The following SYCP2 variants were observed in gnomAD, a reference collection of about 807,000 sequenced individuals.
The protein encoded by SYCP2 is synaptonemal complex lateral element protein.
In SYCP2, 55 loss-of-function variants were observed where a neutral mutation model predicts 211.3. That is an observed-to-expected ratio of 0.26 (90% CI 0.21 to 0.33). SYCP2 has a LOEUF of 0.33. Among genes scored for constraint, SYCP2 ranks in the 10% least tolerant of loss-of-function variants. The pLI, the probability that SYCP2 is intolerant of heterozygous loss-of-function variation, is 1.00. For synonymous variants in SYCP2, 570 were observed against 555.2 expected (o/e 1.03, Z -0.37); for missense variants, 1,731 against 1,752.0 (o/e 0.99, Z 0.21).
chr20:59,894,556 C>T (rs1194485821), intron 20 of SYCP2, among the ~76,000 whole-genome samples: 1 of 151,942 alleles, frequency 6.6e-6, no homozygotes, highest in East Asian at 1.9e-4. Context: ...GACTACTAAG[C>T]TTTGAGAAAA....
chr20:59,912,473 T>C, intron 12 of SYCP2, 55 bp from the exon 13 acceptor site: 1 of 641,148 alleles, frequency 1.6e-6, no homozygotes, highest in East Asian at 3.6e-5. Flanking sequence ...AGCATAATCT[T>C]GTCCAGTAAT....
chr20:59,896,548 C>A lies in SYCP2; in HGVS notation c.1405-20G>T. 1 of 1,331,686 alleles carries A rather than the reference C, an allele frequency of 7.5e-7. No individual in the cohort carries two copies. The highest frequency in any genetic ancestry group is 1.1e-6 in the Non-Finnish European group (1 of 926,582). 82.5% of individuals were successfully genotyped at this position (1,331,686 alleles called of 1,614,324 possible). On this transcript the variant is annotated intron_variant, in intron 18 of 44. Coordinates refer to ENST00000357552, the MANE Select transcript of SYCP2 (RefSeq NM_014258.4). ...AGTTTTCTGAAACCACGATGAAAAACAACCACTGTAAACACAGTCTTTTTG... is the reference window on the plus strand; with the variant it reads ...AGTTTTCTGAAACCACGATGAAAAAAAACCACTGTAAACACAGTCTTTTTG...
chr20:59,919,618 ATT>A, intron 5 of SYCP2, 21 bp from the exon 6 acceptor site: 1 of 1,420,444 alleles, frequency 7.0e-7, no homozygotes. Flanking sequence ...GAATGAACTT[ATT>A]AGAGTTCCAT....
chr20:59,932,998 G>A (rs952690377), intron 1 of SYCP2, among the ~76,000 whole-genome samples: 1 of 151,202 alleles, frequency 6.6e-6, no homozygotes, highest in Admixed American at 6.5e-5. Context: ...CCGGCACGGT[G>A]ACCCTTTTCC....
chr20:59,932,470 G>C (rs889045189), intron 1 of SYCP2, among the ~76,000 whole-genome samples: 1 of 152,128 alleles, frequency 6.6e-6, no homozygotes, highest in East Asian at 1.9e-4. Flanking sequence ...GAGGTCAGGA[G>C]TTCGAGACCA....
rs1196344178 is a variant in SYCP2 at position 59,900,126 on chromosome 20, C to T, written c.1404+12G>A. 10 of 1,612,300 alleles carry T rather than the reference C, an allele frequency of 6.2e-6. No individual in the cohort carries two copies. Among genetic ancestry groups the T allele is most frequent in the Non-Finnish European group, 8.5e-6 (10 of 1,178,906 alleles). ...GTAGTTTTATAAGCCAGTATTTTGA[C>T]ACCATCTTTACCTCAAGCTGACTAT... On this transcript the variant is annotated intron_variant, in intron 18 of 44. Transcript: ENST00000357552.
At chr20:59,903,209 C>T (rs969650591) in intron 15 of SYCP2, among the ~76,000 whole-genome samples, 12 of 152,054 alleles carry the variant, frequency 7.9e-5, no homozygotes, top group Non-Finnish European at 4.4e-5. Context: ...TCTGTCTGGA[C>T]TATATAATGG....
At chr20:59,865,546 A>C in intron 43 of SYCP2, 27 bp downstream of exon 43, 1 of 1,578,396 alleles carries the variant, frequency 6.3e-7, no homozygotes, top group East Asian at 2.2e-5. Context: ...CAAGAGAGGT[A>C]ACCTATAAAA....
At position 59,867,680 on chromosome 20, in the gene SYCP2, G is replaced by T. The variant is rs767254324; in HGVS notation, c.4125+31C>A. 1.1e-5 allele frequency: 17 copies of T among 1,548,980 alleles called. No individual in the cohort carries two copies. In the East Asian group the frequency reaches 3.8e-4, roughly 35 times the overall value. ...AGTGTGGCATATTATTATATTATTG[G>T]GTATAAATCATAATTTAAAGAATAA... On this transcript the variant is annotated intron_variant, in intron 39 of 44. Coordinates refer to ENST00000357552, the MANE Select transcript of SYCP2 (RefSeq NM_014258.4).
At chr20:59,885,466 G>A (rs185051407) in intron 26 of SYCP2, among the ~76,000 whole-genome samples, 82 of 152,182 alleles carry the variant, frequency 5.4e-4, no homozygotes, top group African/African-American at 1.9e-3. Flanking sequence ...ACTTACAGAG[G>A]GTGAACTTCA....
Position 59,900,210 on chromosome 20 carries a change from T to C in SYCP2, c.1332A>G (p.Pro444=). ...LVSLKEKSKS[P]KEFAKPSKYI... ...ATTTTGAAGGTTTAGCAAATTCCTTTGGGGACTTTGATTTTTCCTTTAAAC... is the reference window on the plus strand; with the variant it reads ...ATTTTGAAGGTTTAGCAAATTCCTTCGGGGACTTTGATTTTTCCTTTAAAC... The change falls in exon 18 of 45, where the codon CCA becomes CCG. Residue 444 remains proline, a synonymous_variant. Coordinates refer to ENST00000357552, the MANE Select transcript of SYCP2 (RefSeq NM_014258.4). The C allele has an allele frequency of 6.2e-7, 1 of 1,613,062 alleles. No homozygotes were observed. The highest frequency in any genetic ancestry group is 8.5e-7 in the Non-Finnish European group (1 of 1,179,442).
chr20:59,884,272 A>G (rs2059743025), intron 26 of SYCP2, among the ~76,000 whole-genome samples: 1 of 152,154 alleles, frequency 6.6e-6, no homozygotes, highest in East Asian at 1.9e-4. Context: ...ATCTCATGTA[A>G]AAGAGTCAAA....
Position 59,873,929 on chromosome 20 carries a change from G to A in SYCP2, c.3482C>T (p.Ser1161Leu). The change falls in exon 35 of 45, where the codon TCA (serine) becomes TTA (leucine). Residue 1161 changes from serine to leucine, a missense_variant. This residue lies in a region of SYCP2 where 1,387 missense variants were observed against 1,351.3 expected (regional missense o/e 1.03). Transcript: ENST00000357552. The stretch of plus-strand genomic sequence containing the variant: ...GAAGTTTTTCTCATTGTTTTTGGGT[G>A]ACTTTATTGTACCTCCAACTCCACT... ...SNSGVGGTIK[S>L]PKNNEKNFLC... 1 of 1,613,166 alleles carries A rather than the reference G, an allele frequency of 6.2e-7. No homozygotes were observed. Among genetic ancestry groups the A allele is most frequent in the Non-Finnish European group, 8.5e-7 (1 of 1,179,572 alleles).
At chr20:59,922,228 C>T (rs1346474376) in intron 3 of SYCP2, among the ~76,000 whole-genome samples, 162 bp downstream of exon 3, 4 of 151,512 alleles carry the variant, frequency 2.6e-5, no homozygotes, top group Non-Finnish European at 5.9e-5. Flanking sequence ...TTGCAAACAT[C>T]TAATGAATAC....
At chr20:59,884,778 A>T (rs1165114979) in intron 26 of SYCP2, among the ~76,000 whole-genome samples, 1 of 152,118 alleles carries the variant, frequency 6.6e-6, no homozygotes, top group Non-Finnish European at 1.5e-5. Flanking sequence ...CAGCAATGGT[A>T]TTATAGAGAA....
chr20:59,920,332 T>C lies in SYCP2; in HGVS notation c.297+27A>G, dbSNP rs753403544. On this transcript the variant is annotated intron_variant, in intron 5 of 44. Transcript: ENST00000357552. ...TATCTTTTATAATATTTCATTCACA[T>C]GAATATGTTACATATTCTATACTTA... 19 of 1,504,254 alleles carry C rather than the reference T, an allele frequency of 1.3e-5. No individual in the cohort carries two copies. In the South Asian group the frequency reaches 2.2e-4, roughly 17 times the overall value. 93.2% of individuals were successfully genotyped at this position (1,504,254 alleles called of 1,614,324 possible).
chr20:59,875,226 A>G (rs1413627352), intron 34 of SYCP2, 45 bp downstream of exon 34: 1 of 1,241,262 alleles, frequency 8.1e-7, no homozygotes, highest in Non-Finnish European at 1.1e-6. Flanking sequence ...GAGTTATAGA[A>G]AACTATTGAA....
intron 39 of SYCP2, 134 bp from the exon 40 acceptor site, chr20:59,866,723 T>C: frequency 1.6e-6 from 1 of 641,482 alleles, no homozygotes; most frequent in Non-Finnish European, 2.6e-6. Flanking sequence ...AATTAAAAAC[T>C]CAGTTATTTA....
At chr20:59,885,841 C>A in intron 26 of SYCP2, 87 bp downstream of exon 26, 1 of 1,006,850 alleles carries the variant, frequency 9.9e-7, no homozygotes, top group South Asian at 1.5e-5. Flanking sequence ...GTATCAAATT[C>A]CATTTTACCA....
Sources: gnomAD v4.1 joint callset for allele counts (sites outside exome capture counted in the v4.1 genomes callset) on GRCh38, gnomAD v4.1.1 for gene constraint, gnomAD v4.1.1 regional missense constraint, MANE v1.5 for transcripts, NCBI Gene and HGNC (gene_info 2026-07-23, HGNC 2026-07-21) for gene names.